MROH2B: variants seen among roughly 807,000 people sequenced by gnomAD.
MROH2B encodes the protein maestro heat like repeat family member 2B, also known as maestro heat-like repeat-containing protein family member 2B.
In MROH2B, 177 loss-of-function variants were observed where a neutral mutation model predicts 208.6. The ratio of observed to expected loss-of-function variants is 0.85; its 90% confidence interval spans 0.75 to 0.96. The LOEUF (loss-of-function observed/expected upper bound fraction) is 0.96, where lower values mean the gene tolerates loss of function less well. MROH2B is among the 40% of genes least tolerant of loss of function. MROH2B has a pLI of 0.00. For synonymous variants in MROH2B, 728 were observed against 659.0 expected (o/e 1.10, Z -1.60); for missense variants, 2,002 against 1,878.7 (o/e 1.07, Z -1.21).
Position 41,032,842 on chromosome 5 carries a change from T to C in MROH2B, c.2362-21A>G, listed in dbSNP as rs1193520304. The stretch of plus-strand genomic sequence containing the variant: ...AAGTCCTGAAACATAAATAAGGAGA[T>C]TAAATGTTTCAGAAAGGCTCAGGAA... On this transcript the variant is annotated intron_variant, in intron 23 of 41. Coordinates refer to ENST00000399564, the MANE Select transcript of MROH2B (RefSeq NM_173489.5). 4.4e-6 allele frequency: 7 copies of C among 1,603,164 alleles called. No individual in the cohort carries two copies. The East Asian group carries it at 6.7e-5, about 15-fold the overall frequency.
chr5:41,026,344 G>T (rs527519483), intron 24 of MROH2B, among the ~76,000 whole-genome samples: 2 of 152,100 alleles, frequency 1.3e-5, no homozygotes, highest in Non-Finnish European at 2.9e-5. Flanking sequence ...AAAGTCTCAG[G>T]ATACAAAATC....
intron 24 of MROH2B, among the ~76,000 whole-genome samples, chr5:41,030,466 T>A (rs547196497): frequency 1.3e-5 from 2 of 151,960 alleles, no homozygotes; most frequent in Admixed American, 1.3e-4. Flanking sequence ...CTAAAAGAAA[T>A]CATAGATGAC....
chr5:41,039,588 T>A, intron 19 of MROH2B, 33 bp from the exon 20 acceptor site: 1 of 1,417,104 alleles, frequency 7.1e-7, no homozygotes, highest in Non-Finnish European at 9.7e-7. Flanking sequence ...ATTTTGAGTT[T>A]AACCATTTAT....
chr5:41,060,133 T>G (rs1743590288), intron 6 of MROH2B, among the ~76,000 whole-genome samples: 1 of 152,154 alleles, frequency 6.6e-6, no homozygotes, highest in Non-Finnish European at 1.5e-5. Context: ...CTAATAAGCA[T>G]CCAACTGATG....
At chr5:41,051,707 G>C (rs1476924676) in intron 12 of MROH2B, 3 of 152,266 alleles carry the variant, frequency 2.0e-5, no homozygotes, top group African/African-American at 4.8e-5. Context: ...GACACAGTGA[G>C]AAAGCACCAT....
At chr5:41,064,740 C>T (rs77397927) in intron 4 of MROH2B, among the ~76,000 whole-genome samples, 170 bp from the exon 5 acceptor site, 9,428 of 152,162 alleles carry the variant, frequency 0.062, 365 homozygotes, top group Middle Eastern at 0.092. Flanking sequence ...TAATACCAGG[C>T]TGTAGTTAGA....
In MROH2B at chr5:41,033,127, T is replaced by A; in HGVS notation, c.2275A>T (p.Ile759Phe). 1 of 1,612,998 alleles carries A rather than the reference T, an allele frequency of 6.2e-7. No individual in the cohort carries two copies. The highest frequency in any genetic ancestry group is 1.3e-5 in the African/African-American group (1 of 75,012). The change falls in exon 23 of 42, where the codon ATC (isoleucine) becomes TTC (phenylalanine). Residue 759 changes from isoleucine (I) to phenylalanine (F), a missense_variant. Coordinates refer to ENST00000399564, the MANE Select transcript of MROH2B (RefSeq NM_173489.5). ...TGGACAGCAATGCCAATCTCAGTGA[T>A]GCTTCTTGTGAAACTCATTTGCAGA... ...MDLQMSFTRS[I>F]TEIGIAVQDA...
chr5:41,027,504 A>G lies in MROH2B; in HGVS notation c.2441+5238T>C, dbSNP rs1181458406. 3.9e-5 allele frequency among the ~76,000 whole-genome samples: 6 copies of G among 152,210 alleles called. No individual in the cohort carries two copies. In the East Asian group the frequency reaches 7.7e-4, roughly 20 times the overall value. ...CCACAGTGAGATACCATCTCACACC[A>G]GTTAGAATGGCAATCATTAAAAAGT... On this transcript the variant is annotated intron_variant, in intron 24 of 41. Coordinates refer to ENST00000399564, the MANE Select transcript of MROH2B (RefSeq NM_173489.5).
In MROH2B at chr5:41,049,289, T is replaced by C. The variant is rs779915399; in HGVS notation, c.1492A>G (p.Thr498Ala). ...AKESTALVVS[T>A]GAVKLPSPQQ... ...TTATGAATGTACAGACCAGCTCCTG[T>C]AGAGACGACAAGTGCTGTCGACTCC... Residue 498 changes from threonine (T) to alanine (A), a missense_variant, in exon 14 of 42, where the codon ACA becomes GCA. Transcript: ENST00000399564. The C allele has an allele frequency of 5.6e-6, 9 of 1,613,198 alleles. No individual in the cohort carries two copies. In the African/African-American group the frequency reaches 1.2e-4, roughly 22 times the overall value.
chr5:41,047,624 A>C, intron 17 of MROH2B, 97 bp downstream of exon 17: 1 of 1,098,270 alleles, frequency 9.1e-7, no homozygotes, highest in Non-Finnish European at 1.3e-6. Context: ...AAGGTTGTTT[A>C]TTATCCTCAG....
intron 35 of MROH2B, 118 bp downstream of exon 35, chr5:41,005,413 A>AACCCC (rs35848875): frequency 5.4e-5 from 11 of 204,590 alleles, no homozygotes; most frequent in Admixed American, 2.5e-4. Flanking sequence ...CCTCTATGAA[A>AACCCC]CCCCCCCCCC....
At chr5:41,011,374 A>G (rs763817630) in intron 30 of MROH2B, among the ~76,000 whole-genome samples, 2 of 152,174 alleles carry the variant, frequency 1.3e-5, no homozygotes, top group Non-Finnish European at 2.9e-5. Flanking sequence ...GCCTTTACCT[A>G]TTGTGTGAAC....
chr5:41,003,957 A>G (rs1026544417), intron 37 of MROH2B, among the ~76,000 whole-genome samples: 1 of 152,222 alleles, frequency 6.6e-6, no homozygotes, highest in South Asian at 2.1e-4. Flanking sequence ...CGTTTTCTCT[A>G]AAAGGCCAGA....
At chr5:41,013,836 C>T (rs1032269613) in intron 29 of MROH2B, among the ~76,000 whole-genome samples, 1 of 152,170 alleles carries the variant, frequency 6.6e-6, no homozygotes, top group African/African-American at 2.4e-5. Context: ...TCTCAAATGG[C>T]TTCTCTGTCA....
At position 41,057,363 on chromosome 5, in the gene MROH2B, A is replaced by G. The variant is rs765142567; in HGVS notation, c.757-3T>C. The G allele has an allele frequency of 2.7e-5, 43 of 1,566,436 alleles. No individual in the cohort carries two copies. The highest frequency in any genetic ancestry group is 3.4e-5 in the Non-Finnish European group (39 of 1,154,416). ...GCAGTCAGTATTTGTTTTAGGCTCT[A>G]AAGTGGAAACTCCCACAGGTTAGTT... On this transcript the variant is annotated splice_polypyrimidine_tract_variant and splice_region_variant and intron_variant, in intron 7 of 41. Coordinates refer to ENST00000399564, the MANE Select transcript of MROH2B (RefSeq NM_173489.5).
chr5:41,052,593 G>A lies in MROH2B; in HGVS notation c.1108-6C>T, dbSNP rs1192830009. 1 of 1,605,716 alleles carries A rather than the reference G, an allele frequency of 6.2e-7. No individual in the cohort carries two copies. Among genetic ancestry groups the A allele is most frequent in the African/African-American group, 1.3e-5 (1 of 74,604 alleles). ...AGAAGAACAGAATTTCTTACCTAGG[G>A]TAAGAACAATGCAATAGCAACATTT... On this transcript the variant is annotated splice_polypyrimidine_tract_variant and splice_region_variant and intron_variant, in intron 11 of 41. Coordinates refer to ENST00000399564, the MANE Select transcript of MROH2B (RefSeq NM_173489.5).
intron 24 of MROH2B, among the ~76,000 whole-genome samples, chr5:41,028,910 C>G (rs1742472595): frequency 6.6e-6 from 1 of 151,934 alleles, no homozygotes; most frequent in African/African-American, 2.4e-5. Context: ...ACATTGTACC[C>G]CAATAGGTAA....
At chr5:41,027,068 G>A (rs868072823) in intron 24 of MROH2B, among the ~76,000 whole-genome samples, 6 of 152,158 alleles carry the variant, frequency 3.9e-5, no homozygotes, top group East Asian at 1.9e-4. Flanking sequence ...AATGCTAGAC[G>A]TAAAACCATA....
At chr5:41,009,219 G>A in intron 32 of MROH2B, 61 bp downstream of exon 32, 1 of 1,599,108 alleles carries the variant, frequency 6.3e-7, no homozygotes, top group South Asian at 1.1e-5. Flanking sequence ...CTCCAGGTGG[G>A]GATAGATCAT....
Sources: gnomAD v4.1 joint callset for allele counts (sites outside exome capture counted in the v4.1 genomes callset) on GRCh38, gnomAD v4.1.1 for gene constraint, MANE v1.5 for transcripts, NCBI Gene and HGNC (gene_info 2026-07-23, HGNC 2026-07-21) for gene names.